The following CALN1 variants were observed in gnomAD, a reference collection of about 807,000 sequenced individuals.
CALN1 encodes calneuron 1.
CALN1 carries 17 observed loss-of-function variants against 30.6 expected under a neutral mutation model. The observed-to-expected ratio is 0.56, with a 90% confidence interval of 0.38 to 0.83. The LOEUF is 0.83. Ranked by LOEUF, CALN1 falls within the 40% of genes least tolerant of loss-of-function variation. CALN1 has a pLI of 0.00. For synonymous variants in CALN1, 156 were observed against 131.4 expected (o/e 1.19, Z -1.28); for missense variants, 291 against 354.9 (o/e 0.82, Z 1.45).
chr7:71,885,923 A>G (rs1285453059), intron 5 of CALN1, among the ~76,000 whole-genome samples: 1 of 152,192 alleles, frequency 6.6e-6, no homozygotes, highest in Non-Finnish European at 1.5e-5. Flanking sequence ...TAACAAATTC[A>G]TTTCCGTAGT....
At chr7:72,326,225 T>C (rs1241414832) in intron 2 of CALN1, among the ~76,000 whole-genome samples, 1 of 152,008 alleles carries the variant, frequency 6.6e-6, no homozygotes, top group Non-Finnish European at 1.5e-5. Context: ...TTGAAAGTGG[T>C]TTTACAAACT....
chr7:72,380,366 T>TGG (rs1416272806), intron 2 of CALN1, among the ~76,000 whole-genome samples: 1 of 152,208 alleles, frequency 6.6e-6, no homozygotes, highest in Non-Finnish European at 1.5e-5. Context: ...CTGGGTGCAG[T>TGG]GGCTCATACC....
At chr7:71,995,270 C>A (rs1799195971) in intron 5 of CALN1, among the ~76,000 whole-genome samples, 1 of 152,230 alleles carries the variant, frequency 6.6e-6, no homozygotes, top group Non-Finnish European at 1.5e-5. Flanking sequence ...GTGCTGAACG[C>A]ACCTGGCTTC....
intron 3 of CALN1, among the ~76,000 whole-genome samples, chr7:72,192,117 A>G (rs1790652005): frequency 1.3e-5 from 2 of 152,168 alleles, no homozygotes; most frequent in African/African-American, 4.8e-5. Flanking sequence ...TGACCTCTGC[A>G]GAAGGTCGGA....
intron 5 of CALN1, among the ~76,000 whole-genome samples, chr7:71,875,052 A>G (rs1411580691): frequency 6.6e-6 from 1 of 150,650 alleles, no homozygotes; most frequent in Non-Finnish European, 1.5e-5. Flanking sequence ...ATAATCCCAG[A>G]TCCTCAGGGG....
chr7:72,334,087 T>C (rs1801845791), intron 2 of CALN1, among the ~76,000 whole-genome samples: 1 of 152,182 alleles, frequency 6.6e-6, no homozygotes, highest in Admixed American at 6.5e-5. Context: ...TCACTTCCCT[T>C]TGCATCAGTT....
At chr7:72,450,222 A>G (rs774451795), upstream of CALN1, among the ~76,000 whole-genome samples, 2 of 152,008 alleles carry the variant, frequency 1.3e-5, no homozygotes, top group Non-Finnish European at 2.9e-5. Context: ...TAAAAATAAA[A>G]ATCTGCCATC....
intron 5 of CALN1, among the ~76,000 whole-genome samples, chr7:71,871,096 G>A (rs548245837): frequency 6.6e-6 from 1 of 152,268 alleles, no homozygotes; most frequent in East Asian, 1.9e-4. Context: ...GAGGCAGAGA[G>A]ATTCTCAATC....
intron 5 of CALN1, among the ~76,000 whole-genome samples, chr7:71,994,752 G>T (rs1799157795): frequency 6.6e-6 from 1 of 152,016 alleles, no homozygotes; most frequent in Admixed American, 6.6e-5. Context: ...TCATAGAGTA[G>T]CTTAAGGAGG....
intron 2 of CALN1, among the ~76,000 whole-genome samples, chr7:72,380,771 C>T (rs1299564845): frequency 1.3e-5 from 2 of 152,070 alleles, no homozygotes; most frequent in African/African-American, 4.8e-5. Flanking sequence ...AGCCCTGAGC[C>T]TCACCCAAGG....
intron 3 of CALN1, among the ~76,000 whole-genome samples, chr7:72,146,563 A>G (rs1786746624): frequency 6.6e-6 from 1 of 152,220 alleles, no homozygotes; most frequent in South Asian, 2.1e-4. Context: ...TATAGATTCA[A>G]TGCCATCCCC....
the CALN1 span, among the ~76,000 whole-genome samples, chr7:72,456,479 A>T: frequency 7.4e-3 from 1,122 of 152,316 alleles, 5 homozygotes; most frequent in Non-Finnish European, 0.011. Context: ...TCAAGACTGC[A>T]GTGAACTATG....
chr7:72,088,725 A>G (rs1302160621), intron 4 of CALN1, among the ~76,000 whole-genome samples: 1 of 149,980 alleles, frequency 6.7e-6, no homozygotes, highest in Non-Finnish European at 1.5e-5. Context: ...AAAAGAAAGA[A>G]GAAAGAAGAA....
At chr7:71,791,365 G>A (rs951599669) in intron 6 of CALN1, among the ~76,000 whole-genome samples, 7 of 152,092 alleles carry the variant, frequency 4.6e-5, no homozygotes, top group Non-Finnish European at 7.3e-5. Flanking sequence ...CTAGCTCTTC[G>A]AGGAATCGCC....
intron 4 of CALN1, among the ~76,000 whole-genome samples, chr7:72,102,535 C>T (rs766901611): frequency 6.6e-6 from 1 of 152,032 alleles, no homozygotes; most frequent in Non-Finnish European, 1.5e-5. Flanking sequence ...ATAAAACAAG[C>T]TGTTATGTCC....
rs543607009 is a variant in CALN1, at chr7:72,024,149, T to G, written c.389-380A>C. Among the ~76,000 whole-genome samples, 23 of 152,306 alleles carry G rather than the reference T, an allele frequency of 1.5e-4. 1 individual carries two copies. Among genetic ancestry groups the G allele is most frequent in the African/African-American group, 5.5e-4 (23 of 41,588 alleles). Reference sequence around the variant, plus strand: ...ACCATCCTTGTCACCCACATATACATGTAGTCATCAAGCCTTCTTGATTTC... The same window carrying G: ...ACCATCCTTGTCACCCACATATACAGGTAGTCATCAAGCCTTCTTGATTTC... On this transcript the variant is annotated intron_variant, in intron 4 of 6. Coordinates refer to ENST00000395275, the MANE Select transcript of CALN1 (RefSeq NM_031468.4).
At chr7:72,402,194 G>A (rs1196946981) in intron 2 of CALN1, among the ~76,000 whole-genome samples, 1 of 152,200 alleles carries the variant, frequency 6.6e-6, no homozygotes, top group Non-Finnish European at 1.5e-5. Flanking sequence ...TCTTGGCCAG[G>A]GGTCTCATCA....
At position 72,397,714 on chromosome 7, in the gene CALN1, T is replaced by TCACACACACACACACACACACA. The variant is rs3138810; in HGVS notation, c.119+5515_119+5536dup. On this transcript the variant is annotated intron_variant, in intron 2 of 6. Transcript: ENST00000395275. ...GATCTTGGAGAGCACCCATTCTCTCTCACACACACACACACACACACACAC... is the reference window on the plus strand; with the variant it reads ...GATCTTGGAGAGCACCCATTCTCTCTCACACACACACACACACACACACACACACACACACACACACACACAC... Among the ~76,000 whole-genome samples, 181 of 142,898 alleles carry TCACACACACACACACACACACA rather than the reference T, an allele frequency of 1.3e-3. 1 individual carries two copies. The highest frequency in any genetic ancestry group is 5.3e-3 in the East Asian group (25 of 4,710). The allele number at this position is 142,898 out of a possible 152,430, so 93.7% of individuals were successfully genotyped here. A position where few individuals can be genotyped will look rare whatever the true frequency, so the allele number is the denominator to read the frequency against.
the CALN1 span, among the ~76,000 whole-genome samples, chr7:72,497,269 G>A: frequency 6.6e-6 from 1 of 152,068 alleles, no homozygotes; most frequent in Non-Finnish European, 1.5e-5. Flanking sequence ...GTGAAACCTC[G>A]TCTCTACTAA....
Sources: gnomAD v4.1 joint callset for allele counts (sites outside exome capture counted in the v4.1 genomes callset) on GRCh38, gnomAD v4.1.1 for gene constraint, MANE v1.5 for transcripts, NCBI Gene and HGNC (gene_info 2026-07-23, HGNC 2026-07-21) for gene names.